The following EYS variants were observed in gnomAD, a reference collection of about 807,000 sequenced individuals.
EYS encodes the protein protein eyes shut homolog.
EYS carries 250 observed loss-of-function variants against 282.1 expected under a neutral mutation model. The observed-to-expected ratio is 0.89, with a 90% CI of 0.80 to 0.98. The LOEUF (loss-of-function observed/expected upper bound fraction) is 0.98, where lower values mean the gene tolerates loss of function less well. Among genes scored for constraint, EYS ranks in the 50% least tolerant of loss-of-function variants. The probability of loss-of-function intolerance (pLI) is 0.00; values close to 1 mark genes in which losing one functional copy is unlikely to be tolerated. For missense variants in EYS, 4,016 were observed against 3,709.0 expected, an observed-to-expected ratio of 1.08 and a Z score of -2.15; for synonymous variants, 1,355 against 1,282.9, an observed-to-expected ratio of 1.06 and a Z score of -1.20.
Position 63,721,475 on chromosome 6 carries a change from G to A in EYS, c.8556C>T (p.Ile2852=), listed in dbSNP as rs766969858. 3.2e-6 allele frequency: 5 copies of A among 1,551,340 alleles called. No homozygotes were observed. Among genetic ancestry groups the A allele is most frequent in the African/African-American group, 2.7e-5 (2 of 73,000 alleles). The part of the protein sequence containing the change: ...VGFQGCIRQV[I]INNQELQLTE... ...TTAATTGTAATTCTTGATTATTTATGATAACTTGTCGGATACAGCCTTGAA... is the reference window on the plus strand; with the variant it reads ...TTAATTGTAATTCTTGATTATTTATAATAACTTGTCGGATACAGCCTTGAA... The change falls in exon 43 of 43, where the codon ATC becomes ATT. Residue 2852 remains isoleucine, a synonymous_variant. Coordinates refer to ENST00000503581, the MANE Select transcript of EYS (RefSeq NM_001142800.2).
intron 2 of EYS, among the ~76,000 whole-genome samples, chr6:65,592,864 A>G (rs1325927260): frequency 1.3e-5 from 2 of 151,980 alleles, no homozygotes; most frequent in Non-Finnish European, 2.9e-5. Flanking sequence ...AAATGAATGA[A>G]ACTTAACATT....
At chr6:63,865,158 A>C (rs1035861420) in intron 35 of EYS, among the ~76,000 whole-genome samples, 1 of 152,232 alleles carries the variant, frequency 6.6e-6, no homozygotes, top group Non-Finnish European at 1.5e-5. Flanking sequence ...ACGCTAGGCC[A>C]ACTGGCCAAC....
At chr6:64,490,645 T>C (rs1209819492) in intron 26 of EYS, among the ~76,000 whole-genome samples, 1 of 150,794 alleles carries the variant, frequency 6.6e-6, no homozygotes, top group African/African-American at 2.4e-5. Flanking sequence ...TTCAACGCAG[T>C]GCAATAAAAT....
chr6:65,576,668 A>AT (rs955462927), intron 2 of EYS, among the ~76,000 whole-genome samples: 31 of 151,934 alleles, frequency 2.0e-4, no homozygotes, highest in African/African-American at 7.2e-4. Context: ...ATAATCTTAT[A>AT]TATAGAAAAC....
At position 64,366,610 on chromosome 6, in the gene EYS, C is replaced by G. The variant is rs1029853073; in HGVS notation, c.6078+22080G>C. 2.0e-5 allele frequency among the ~76,000 whole-genome samples: 3 copies of G among 151,908 alleles called. No individual in the cohort carries two copies. The South Asian group carries it at 6.2e-4, about 32-fold the overall frequency. ...AAGCATATTGCCTTATTTTGGGGAC[C>G]AGGTATTGGGTAGAGATTTTAAGAT... On this transcript the variant is annotated intron_variant, in intron 29 of 42. Coordinates refer to ENST00000503581, the MANE Select transcript of EYS (RefSeq NM_001142800.2).
intron 19 of EYS, among the ~76,000 whole-genome samples, chr6:64,883,095 A>T (rs1184613005): frequency 6.6e-6 from 1 of 150,902 alleles, no homozygotes; most frequent in Non-Finnish European, 1.5e-5. Flanking sequence ...CCAAAAATGT[A>T]CAATTGATCA....
At chr6:64,645,414 T>G (rs1391937395) in intron 22 of EYS, among the ~76,000 whole-genome samples, 1 of 152,230 alleles carries the variant, frequency 6.6e-6, no homozygotes, top group Non-Finnish European at 1.5e-5. Flanking sequence ...TGAAATTGAC[T>G]TCATGGGAAA....
intron 29 of EYS, among the ~76,000 whole-genome samples, chr6:64,388,173 G>A (rs1158037980): frequency 6.6e-6 from 1 of 151,984 alleles, no homozygotes; most frequent in East Asian, 1.9e-4. Context: ...CTTAAATATA[G>A]CTTAATAATG....
In EYS at chr6:64,987,837, A is replaced by T. The variant is rs552680448; in HGVS notation, c.2259+9745T>A. 2.4e-4 allele frequency among the ~76,000 whole-genome samples: 37 copies of T among 151,738 alleles called. No homozygotes were observed. In the South Asian group the frequency reaches 6.6e-3, roughly 27 times the overall value. ...TGATTGTATATAGTAATAAGAATTT[A>T]AAAAAGCATAGAATTGGTAATAACA... is the stretch of plus-strand genomic sequence containing the variant. On this transcript the variant is annotated intron_variant, in intron 14 of 42. Transcript: ENST00000503581.
At chr6:63,767,149 C>T (rs1385867208) in intron 40 of EYS, among the ~76,000 whole-genome samples, 1 of 152,008 alleles carries the variant, frequency 6.6e-6, no homozygotes, top group East Asian at 1.9e-4. Context: ...AAAGATCGAA[C>T]CATTCCCCTT....
intron 5 of EYS, among the ~76,000 whole-genome samples, chr6:65,414,851 A>G (rs1433968975): frequency 6.6e-6 from 1 of 152,050 alleles, no homozygotes; most frequent in East Asian, 1.9e-4. Context: ...TAGGGAAAAA[A>G]TGGAGAGAGA....
intron 28 of EYS, among the ~76,000 whole-genome samples, chr6:64,417,336 A>C (rs1199815759): frequency 6.6e-6 from 1 of 152,180 alleles, no homozygotes; most frequent in African/African-American, 2.4e-5. Context: ...GTTCTTTGGT[A>C]ACAGGTACAG....
intron 2 of EYS, among the ~76,000 whole-genome samples, chr6:65,515,933 A>G (rs1384430065): frequency 6.6e-6 from 1 of 152,006 alleles, no homozygotes. Context: ...CTAAAACTTA[A>G]AGTATAATAA....
intron 15 of EYS, among the ~76,000 whole-genome samples, chr6:64,921,178 CTATATGCA>C (rs1338766419): frequency 6.6e-6 from 1 of 152,092 alleles, no homozygotes; most frequent in Non-Finnish European, 1.5e-5. Flanking sequence ...TTAGTTCAGA[CTATATGCA>C]TATAACACCA....
At chr6:63,846,756 C>CA (rs1007715434) in intron 36 of EYS, among the ~76,000 whole-genome samples, 2 of 152,028 alleles carry the variant, frequency 1.3e-5, no homozygotes, top group Non-Finnish European at 2.9e-5. Context: ...TCACTGCTGG[C>CA]AAAAATCCCT....
chr6:65,438,354 TC>T (rs1402864241), intron 5 of EYS, among the ~76,000 whole-genome samples: 2 of 152,122 alleles, frequency 1.3e-5, no homozygotes, highest in African/African-American at 2.4e-5. Flanking sequence ...TGATTTATAA[TC>T]CTTTGGGTAT....
At chr6:63,883,542 T>C (rs1474161397) in intron 35 of EYS, among the ~76,000 whole-genome samples, 1 of 152,200 alleles carries the variant, frequency 6.6e-6, no homozygotes, top group Non-Finnish European at 1.5e-5. Context: ...AGATAATCTG[T>C]AGGCTACTCA....
At chr6:64,870,806 G>A (rs1361537399) in intron 19 of EYS, among the ~76,000 whole-genome samples, 2 of 151,708 alleles carry the variant, frequency 1.3e-5, no homozygotes, top group Admixed American at 1.3e-4. Context: ...ATTCACTGGA[G>A]GGACTTAAAG....
intron 12 of EYS, among the ~76,000 whole-genome samples, chr6:65,209,086 G>A (rs1197610610): frequency 1.3e-5 from 2 of 151,622 alleles, no homozygotes; most frequent in African/African-American, 4.8e-5. Context: ...ATGGCATCAG[G>A]GCTTCTGAAA....
Sources: gnomAD v4.1 joint callset for allele counts (sites outside exome capture counted in the v4.1 genomes callset) on GRCh38, gnomAD v4.1.1 for gene constraint, MANE v1.5 for transcripts, NCBI Gene and HGNC (gene_info 2026-07-23, HGNC 2026-07-21) for gene names.